Variants in SUN5 observed in about 807,000 individuals in gnomAD.
SUN5 encodes SUN domain-containing protein 5.
A neutral mutation model predicts 53.7 loss-of-function variants in SUN5; 44 were observed. That is an observed-to-expected ratio of 0.82 (90% CI 0.64 to 1.05). SUN5 has a LOEUF of 1.05. Among genes scored for constraint, SUN5 ranks in the 50% least tolerant of loss-of-function variants. The probability of loss-of-function intolerance (pLI) is 0.00; values close to 1 mark genes in which losing one functional copy is unlikely to be tolerated. For missense variants in SUN5, 433 were observed against 483.8 expected (o/e 0.90, Z 0.98); for synonymous variants, 166 against 179.8 (o/e 0.92, Z 0.62).
intron 5 of SUN5, 140 bp downstream of exon 5, chr20:32,999,934 A>G: frequency 1.9e-6 from 3 of 1,551,086 alleles, no homozygotes; most frequent in Non-Finnish European, 2.6e-6. Context: ...ATTTCATTTC[A>G]TAATTCTCAC....
At chr20:32,997,808 T>C (rs1396681757) in intron 5 of SUN5, 121 bp from the exon 6 acceptor site, 1 of 963,314 alleles carries the variant, frequency 1.0e-6, no homozygotes, top group South Asian at 1.5e-5. Context: ...TGTGCAACAC[T>C]GGGGGAATTA....
chr20:32,985,547 C>T (rs1231886769), intron 11 of SUN5, among the ~76,000 whole-genome samples, 189 bp downstream of exon 11: 1 of 152,086 alleles, frequency 6.6e-6, no homozygotes, highest in Non-Finnish European at 1.5e-5. Context: ...AATAGAGTAG[C>T]TGTTTATCCC....
At chr20:32,987,452 GC>G (rs1989574148) in intron 10 of SUN5, among the ~76,000 whole-genome samples, 1 of 96,298 alleles carries the variant, frequency 1.0e-5, no homozygotes, top group South Asian at 3.2e-4. Flanking sequence ...TCCTGCCCCC[GC>G]CTTCTCCCCA....
chr20:33,001,439 C>T (rs930716028), intron 3 of SUN5, among the ~76,000 whole-genome samples, 161 bp from the exon 4 acceptor site: 6 of 152,120 alleles, frequency 3.9e-5, no homozygotes, highest in African/African-American at 7.2e-5. Flanking sequence ...CTTATGGGTA[C>T]GCACTAGCCT....
chr20:33,002,684 A>G (rs41303801), intron 2 of SUN5, 23 bp from the exon 3 acceptor site: 4 of 1,613,904 alleles, frequency 2.5e-6, no homozygotes, highest in African/African-American at 1.3e-5. Flanking sequence ...CAGGACTGTC[A>G]TGTCACTGCC....
At chr20:32,994,097 T>G (rs1274140137) in intron 8 of SUN5, among the ~76,000 whole-genome samples, 1 of 152,226 alleles carries the variant, frequency 6.6e-6, no homozygotes, top group Non-Finnish European at 1.5e-5. Context: ...ACAGTAAGTC[T>G]GCCACTAAGA....
At chr20:32,995,560 A>G in intron 8 of SUN5, 59 bp downstream of exon 8, 1 of 1,462,044 alleles carries the variant, frequency 6.8e-7, no homozygotes, top group Non-Finnish European at 9.6e-7. Context: ...GAGGTATAGG[A>G]AACAGGACAT....
chr20:32,983,787 A>C lies in SUN5; in HGVS notation c.*7T>G. On this transcript the variant is annotated 3_prime_UTR_variant, in exon 13 of 13. Transcript: ENST00000356173. ...CTCAGACTTGGTCTGGGGGTAAAGA[A>C]TAAATTTTAATCTCTCTTAGGGTAG... The C allele has an allele frequency of 6.8e-7, 1 of 1,466,114 alleles. No homozygotes were observed. The highest frequency in any genetic ancestry group is 9.1e-7 in the Non-Finnish European group (1 of 1,102,572). The allele number at this position is 1,466,114 out of a possible 1,614,324, so 90.8% of individuals were successfully genotyped here. A position where few individuals can be genotyped will look rare whatever the true frequency, so the allele number is the denominator to read the frequency against.
intron 7 of SUN5, 115 bp from the exon 8 acceptor site, chr20:32,995,842 C>T: frequency 1.1e-6 from 1 of 900,900 alleles, no homozygotes; most frequent in East Asian, 2.4e-5. Flanking sequence ...TTTTCCTAAT[C>T]TCTTGGGCCC....
chr20:32,999,332 C>T (rs1320124360), intron 5 of SUN5, among the ~76,000 whole-genome samples: 2 of 152,182 alleles, frequency 1.3e-5, no homozygotes, highest in African/African-American at 2.4e-5. Flanking sequence ...CGATGGCTCA[C>T]GTCTGTAATC....
intron 8 of SUN5, among the ~76,000 whole-genome samples, chr20:32,993,448 A>G (rs1047446598): frequency 4.6e-5 from 7 of 152,244 alleles, no homozygotes; most frequent in Non-Finnish European, 1.0e-4. Flanking sequence ...CTGGTGAAAG[A>G]GAAGGAAGCA....
chr20:32,997,365 G>A (rs549824363), intron 6 of SUN5, among the ~76,000 whole-genome samples: 3 of 152,186 alleles, frequency 2.0e-5, no homozygotes, highest in Non-Finnish European at 2.9e-5. Context: ...TTTAAGTGGG[G>A]CCTTGAGAAA....
At chr20:32,991,720 A>G (rs1989715049) in intron 8 of SUN5, among the ~76,000 whole-genome samples, 1 of 152,248 alleles carries the variant, frequency 6.6e-6, no homozygotes, top group Non-Finnish European at 1.5e-5. Context: ...AATAAAAGAT[A>G]AAGATGAGTT....
In SUN5 at chr20:32,984,394, G is replaced by A. The variant is rs565739384; in HGVS notation, c.985-445C>T. On this transcript the variant is annotated intron_variant, in intron 12 of 12. Transcript: ENST00000356173. ...CCGGCACATAGTAAGTTCTCTGTAA[G>A]TGAGGCCCCTCCCCGTTTTTGCCAA... Among the ~76,000 whole-genome samples the A allele has an allele frequency of 2.1e-4, 32 of 152,180 alleles. No homozygotes were observed. In the South Asian group the frequency reaches 6.7e-3, roughly 32 times the overall value.
chr20:33,000,514 G>A (rs1452315905), intron 4 of SUN5, among the ~76,000 whole-genome samples: 1 of 152,202 alleles, frequency 6.6e-6, no homozygotes, highest in Non-Finnish European at 1.5e-5. Flanking sequence ...GACAGCAAAG[G>A]AAAAGGGAAG....
At chr20:32,989,037 T>C (rs550915234) in intron 9 of SUN5, among the ~76,000 whole-genome samples, 1 of 152,270 alleles carries the variant, frequency 6.6e-6, no homozygotes, top group South Asian at 2.1e-4. Flanking sequence ...CCCATTCTCC[T>C]ACCTCAGCCT....
chr20:33,000,002 C>T (rs1449252380), intron 5 of SUN5, 72 bp downstream of exon 5: 3 of 1,570,810 alleles, frequency 1.9e-6, no homozygotes. Context: ...AGTGTCTTGC[C>T]CAGTGTCCTA....
intron 6 of SUN5, among the ~76,000 whole-genome samples, chr20:32,997,365 G>T (rs549824363): frequency 6.6e-6 from 1 of 152,304 alleles, no homozygotes; most frequent in South Asian, 2.1e-4. Flanking sequence ...TTTAAGTGGG[G>T]CCTTGAGAAA....
chr20:32,993,619 C>A (rs1989761759), intron 8 of SUN5, among the ~76,000 whole-genome samples: 1 of 152,320 alleles, frequency 6.6e-6, no homozygotes, highest in Non-Finnish European at 1.5e-5. Flanking sequence ...AACTTCATAT[C>A]TTCACAGTGC....
Sources: allele counts gnomAD v4.1 joint callset (sites outside exome capture counted in the v4.1 genomes callset), GRCh38; gene constraint gnomAD v4.1.1; transcripts MANE v1.5; gene names NCBI Gene and HGNC (gene_info 2026-07-23, HGNC 2026-07-21).